The following CLPP variants were observed in gnomAD, a reference collection of about 807,000 sequenced individuals.
CLPP encodes caseinolytic mitochondrial matrix peptidase proteolytic subunit, also known as ATP-dependent Clp protease proteolytic subunit, mitochondrial.
CLPP carries 14 observed loss-of-function variants against 27.4 expected under a neutral mutation model. The ratio of observed to expected loss-of-function variants is 0.51; its 90% confidence interval spans 0.34 to 0.80. CLPP has a LOEUF of 0.80. Ranked by LOEUF, CLPP falls within the 30% of genes least tolerant of loss-of-function variation. The pLI, the probability that CLPP is intolerant of heterozygous loss-of-function variation, is 0.02. For synonymous variants in CLPP, 193 were observed against 166.6 expected (o/e 1.16, Z -1.22); for missense variants, 361 against 403.6 (o/e 0.89, Z 0.90).
At position 6,366,329 on chromosome 19, in the gene CLPP, C is replaced by T. The variant is rs750783628; in HGVS notation, c.627C>T (p.Tyr209=). 16 of 1,612,374 alleles carry T rather than the reference C, an allele frequency of 9.9e-6. No individual in the cohort carries two copies. Among genetic ancestry groups the T allele is most frequent in the South Asian group, 1.1e-5 (1 of 90,708 alleles). Reference sequence around the variant, plus strand: ...TCAAGAAGCAGCTCTATAACATCTACGCCAAGCACACCAAACAGAGCCTGC... The same window carrying T: ...TCAAGAAGCAGCTCTATAACATCTATGCCAAGCACACCAAACAGAGCCTGC... ...MKLKKQLYNI[Y]AKHTKQSLQV... is the part of the protein sequence containing the mutation. The change falls in exon 5 of 6, where the codon TAC becomes TAT. Residue 209 remains tyrosine (Y), a synonymous_variant. Coordinates refer to ENST00000245816, the MANE Select transcript of CLPP (RefSeq NM_006012.4).
chr19:6,361,557 A>G lies in CLPP; in HGVS notation c.-18A>G. Reference sequence around the variant, plus strand: ...TAGTTCCGCCATCGGACGGAAGCCGACCGGGGCGTGCGGAGGGATGTGGCC... The same window carrying G: ...TAGTTCCGCCATCGGACGGAAGCCGGCCGGGGCGTGCGGAGGGATGTGGCC... On this transcript the variant is annotated 5_prime_UTR_variant, in exon 1 of 6. Coordinates refer to ENST00000245816, the MANE Select transcript of CLPP (RefSeq NM_006012.4). 3 of 1,390,202 alleles carry G rather than the reference A, an allele frequency of 2.2e-6. No homozygotes were observed. Among genetic ancestry groups the G allele is most frequent in the Non-Finnish European group, 2.8e-6 (3 of 1,068,088 alleles). The allele number at this position is 1,390,202 out of a possible 1,614,324, so 86.1% of individuals were successfully genotyped here. A position where few individuals can be genotyped will look rare whatever the true frequency, so the allele number is the denominator to read the frequency against.
chr19:6,364,597 C>T lies in CLPP; in HGVS notation c.513C>T (p.Pro171=). The T allele has an allele frequency of 6.2e-7, 1 of 1,612,954 alleles. No individual in the cohort carries two copies. ...CCCCAGGCATGCGCCACTCGCTCCC[C>T]AACTCCCGTATCATGATCCACCAGC... The part of the protein sequence containing the change: ...AGTPGMRHSL[P]NSRIMIHQPS... Residue 171 remains proline, a synonymous_variant, in exon 4 of 6, where the codon CCC becomes CCT. Coordinates refer to ENST00000245816, the MANE Select transcript of CLPP (RefSeq NM_006012.4).
Position 6,368,789 on chromosome 19 carries a change from G to A in CLPP, c.*79G>A. On this transcript the variant is annotated 3_prime_UTR_variant, in exon 6 of 6. Transcript: ENST00000245816. ...CCCAGCTGGGCCCTGCTCACCCCTT[G>A]TTGCTGGGCTTGGAGGGGCCTCTTG... 2.2e-6 allele frequency: 3 copies of A among 1,380,928 alleles called. No individual in the cohort carries two copies. Among genetic ancestry groups the A allele is most frequent in the South Asian group, 2.7e-5 (2 of 73,904 alleles). 85.5% of individuals were successfully genotyped at this position (1,380,928 alleles called of 1,614,324 possible).
At chr19:6,366,148 A>G in intron 4 of CLPP, 110 bp from the exon 5 acceptor site, 1 of 672,544 alleles carries the variant, frequency 1.5e-6, no homozygotes, top group East Asian at 2.7e-5. Flanking sequence ...CCAGCCTCAA[A>G]CCGGAAGCCC....
At chr19:6,363,032 G>A (rs2091843992) in intron 3 of CLPP, among the ~76,000 whole-genome samples, 1 of 151,994 alleles carries the variant, frequency 6.6e-6, no homozygotes, top group African/African-American at 2.4e-5. Flanking sequence ...CGAGGCTGTA[G>A]TGAGCCCATC....
Position 6,362,565 on chromosome 19 carries a change from G to A in CLPP, c.367+23G>A, listed in dbSNP as rs751702638. ...CTGGTGAGCAGGGTCTTTCCTGGGTGCCAGGGGCACTCGTCAGGGCACACG... is the reference window on the plus strand; with the variant it reads ...CTGGTGAGCAGGGTCTTTCCTGGGTACCAGGGGCACTCGTCAGGGCACACG... On this transcript the variant is annotated intron_variant, in intron 3 of 5. Coordinates refer to ENST00000245816, the MANE Select transcript of CLPP (RefSeq NM_006012.4). 2.6e-6 allele frequency: 4 copies of A among 1,541,626 alleles called. No individual in the cohort carries two copies. In the Admixed American group the frequency reaches 5.0e-5, roughly 19 times the overall value.
At chr19:6,367,012 G>C (rs1166980137) in intron 5 of CLPP, among the ~76,000 whole-genome samples, 4 of 152,024 alleles carry the variant, frequency 2.6e-5, no homozygotes, top group Admixed American at 1.3e-4. Flanking sequence ...GCTGAAGTGG[G>C]AGGATCACTT....
intron 1 of CLPP, 31 bp downstream of exon 1, chr19:6,361,803 G>A (rs1441155848): frequency 6.4e-7 from 1 of 1,572,340 alleles, no homozygotes. Context: ...CACGGTTCGG[G>A]GGCTCCGGGC....
chr19:6,364,414 G>C, intron 3 of CLPP, 38 bp from the exon 4 acceptor site: 1 of 1,571,838 alleles, frequency 6.4e-7, no homozygotes, highest in Non-Finnish European at 8.6e-7. Flanking sequence ...GGGTCGGGGG[G>C]AGCTGGTCCA....
rs899854896 is a variant in CLPP at position 6,368,954 on chromosome 19, C to A, written c.*244C>A. 1 of 516,184 alleles carries A rather than the reference C, an allele frequency of 1.9e-6. No individual in the cohort carries two copies. Among genetic ancestry groups the A allele is most frequent in the African/African-American group, 1.9e-5 (1 of 51,764 alleles). The allele number at this position is 516,184 out of a possible 1,614,324, so 32.0% of individuals were successfully genotyped here. A position where few individuals can be genotyped will look rare whatever the true frequency, so the allele number is the denominator to read the frequency against. The stretch of plus-strand genomic sequence containing the variant: ...CTGCACCATGACAGCGTGTACACAT[C>A]TGTGTTTCACAGGCCCCTTCTGCTT... On this transcript the variant is annotated 3_prime_UTR_variant, in exon 6 of 6. Transcript: ENST00000245816.
In CLPP at chr19:6,368,970, C is replaced by T; in HGVS notation, c.*260C>T. On this transcript the variant is annotated 3_prime_UTR_variant, in exon 6 of 6. Transcript: ENST00000245816. Reference sequence around the variant, plus strand: ...TGTACACATCTGTGTTTCACAGGCCCCTTCTGCTTTTGTCCTGACCCCAAG... The same window carrying T: ...TGTACACATCTGTGTTTCACAGGCCTCTTCTGCTTTTGTCCTGACCCCAAG... 1 of 478,550 alleles carries T rather than the reference C, an allele frequency of 2.1e-6. No individual in the cohort carries two copies. Among genetic ancestry groups the T allele is most frequent in the Non-Finnish European group, 3.7e-6 (1 of 268,714 alleles). The allele number at this position is 478,550 out of a possible 1,614,324, so 29.6% of individuals were successfully genotyped here. A position where few individuals can be genotyped will look rare whatever the true frequency, so the allele number is the denominator to read the frequency against.
Position 6,364,498 on chromosome 19 carries a change from C to T in CLPP, c.414C>T (p.Tyr138=), listed in dbSNP as rs1483099244. 3 of 1,612,036 alleles carry T rather than the reference C, an allele frequency of 1.9e-6. No homozygotes were observed. The highest frequency in any genetic ancestry group is 4.5e-5 in the East Asian group (2 of 44,828). The change falls in exon 4 of 6, where the codon TAC becomes TAT. Residue 138 remains tyrosine (Y), a synonymous_variant. Transcript: ENST00000245816. ...AGLAIYDTMQ[Y]ILNPICTWCV... ...TGGCCATCTACGACACGATGCAGTACATCCTCAACCCGATCTGCACCTGGT... is the reference window on the plus strand; with the variant it reads ...TGGCCATCTACGACACGATGCAGTATATCCTCAACCCGATCTGCACCTGGT...
rs376953709 is a variant in CLPP, at chr19:6,361,938, C to T, written c.268C>T (p.Pro90Ser). Residue 90 changes from proline (P) to serine (S), a missense_variant and splice_region_variant, in exon 2 of 6, where the codon CCG (proline) becomes TCG (serine). Coordinates refer to ENST00000245816, the MANE Select transcript of CLPP (RefSeq NM_006012.4). The stretch of plus-strand genomic sequence containing the variant: ...GGAGCGCATCGTGTGCGTCATGGGC[C>T]CGGTGAGCGCCCCGCGCCGGGACCC... ...LRERIVCVMGPIDDSVASLVI... is the reference protein window; with the variant it reads ...LRERIVCVMGSIDDSVASLVI... 6.3e-7 allele frequency: 1 copy of T among 1,597,786 alleles called. No homozygotes were observed. Among genetic ancestry groups the T allele is most frequent in the Non-Finnish European group, 8.5e-7 (1 of 1,179,352 alleles).
intron 2 of CLPP, 39 bp downstream of exon 2, chr19:6,361,979 C>G: frequency 6.4e-7 from 1 of 1,572,426 alleles, no homozygotes; most frequent in East Asian, 2.3e-5. Context: ...AGGACTCTCC[C>G]AAGCGCCTGC....
intron 4 of CLPP, chr19:6,364,881 A>G (rs1488867097): frequency 4.7e-6 from 2 of 422,776 alleles, no homozygotes; most frequent in African/African-American, 2.1e-5. Flanking sequence ...GGCGCCCGCC[A>G]CCACGCTCGG....
At chr19:6,362,614 CG>C in intron 3 of CLPP, 72 bp downstream of exon 3, 1 of 1,050,844 alleles carries the variant, frequency 9.5e-7, no homozygotes, top group Non-Finnish European at 1.5e-6. Context: ...ACCAGAATCC[CG>C]GGTCAGGGAT....
chr19:6,368,613 T>C lies in CLPP; in HGVS notation c.737T>C (p.Val246Ala), dbSNP rs1439156532. The change falls in exon 6 of 6, where the codon GTC becomes GCC. Residue 246 changes from valine (V) to alanine (A), a missense_variant. Transcript: ENST00000245816. Reference sequence around the variant, plus strand: ...TTTGGCATCTTAGACAAGGTTCTGGTCCACCCTCCCCAGGACGGTGAGGAT... The same window carrying C: ...TTTGGCATCTTAGACAAGGTTCTGGCCCACCCTCCCCAGGACGGTGAGGAT... ...QEFGILDKVLVHPPQDGEDEP... is the reference protein window; with the variant it reads ...QEFGILDKVLAHPPQDGEDEP... 1.2e-6 allele frequency: 2 copies of C among 1,613,240 alleles called. No individual in the cohort carries two copies. The highest frequency in any genetic ancestry group is 1.3e-5 in the African/African-American group (1 of 74,882).
At chr19:6,366,581 G>GCTGAGC (rs1434321160) in intron 5 of CLPP, among the ~76,000 whole-genome samples, 1 of 152,094 alleles carries the variant, frequency 6.6e-6, no homozygotes, top group African/African-American at 2.4e-5. Context: ...TACTCGGGAG[G>GCTGAGC]CTGAGGCAGG....
chr19:6,367,349 T>G (rs1018379212), intron 5 of CLPP, among the ~76,000 whole-genome samples: 4 of 131,782 alleles, frequency 3.0e-5, no homozygotes, highest in South Asian at 4.9e-4. Context: ...CACTCCAGCC[T>G]GGGTGACAAA....
Sources: gnomAD v4.1 joint callset for allele counts (sites outside exome capture counted in the v4.1 genomes callset) on GRCh38, gnomAD v4.1.1 for gene constraint, MANE v1.5 for transcripts, NCBI Gene and HGNC (gene_info 2026-07-23, HGNC 2026-07-21) for gene names.